The following MIA2 variants were observed in gnomAD, a reference collection of about 807,000 sequenced individuals.
MIA2 encodes the protein MIA SH3 domain ER export factor 2.
In MIA2, 127 loss-of-function variants were observed where a neutral mutation model predicts 167.8. That is an observed-to-expected ratio of 0.76 (90% CI 0.66 to 0.88). The LOEUF is 0.88. Among genes scored for constraint, MIA2 ranks in the 40% least tolerant of loss-of-function variants. MIA2 has a pLI of 0.00. For missense variants in MIA2, 1,690 were observed against 1,624.7 expected (o/e 1.04, Z -0.69); for synonymous variants, 552 against 541.9 (o/e 1.02, Z -0.26).
chr14:39,273,235 C>CTTT (rs35613060), intron 6 of MIA2, among the ~76,000 whole-genome samples: 2 of 132,140 alleles, frequency 1.5e-5, no homozygotes, highest in Admixed American at 7.5e-5. Flanking sequence ...AGGAGAAAAG[C>CTTT]TTTTTTTTTT....
chr14:39,335,572 C>T (rs982256715), intron 25 of MIA2, among the ~76,000 whole-genome samples: 3 of 152,060 alleles, frequency 2.0e-5, no homozygotes, highest in Non-Finnish European at 4.4e-5. Context: ...TTCTCATATG[C>T]CCTATTCCAG....
intron 6 of MIA2, chr14:39,266,819 C>A: frequency 1.9e-6 from 1 of 540,086 alleles, no homozygotes; most frequent in Non-Finnish European, 2.4e-6. Flanking sequence ...CGGGGCTGGG[C>A]CTGGCGTCGG....
At chr14:39,308,760 G>A (rs1308754779) in intron 18 of MIA2, among the ~76,000 whole-genome samples, 173 bp downstream of exon 18, 1 of 152,010 alleles carries the variant, frequency 6.6e-6, no homozygotes, top group South Asian at 2.1e-4. Flanking sequence ...TTTCAACAAA[G>A]AAAATATTGT....
chr14:39,293,280 G>A lies in MIA2; in HGVS notation c.2218G>A (p.Glu740Lys). The stretch of plus-strand genomic sequence containing the variant: ...TGGCTTTCTCTCTTAGGCAACCTGT[G>A]AAAAGCTGAACAGGTCCAATTCTGA... ...TEAQSLEATC[E>K]KLNRSNSELE... is the part of the protein sequence containing the mutation. The change falls in exon 11 of 29, where the codon GAA (glutamate) becomes AAA (lysine). Residue 740 changes from glutamate to lysine, a missense_variant. Physicochemically the swap from Glu to Lys is moderately conservative, Grantham distance 56. Coordinates refer to ENST00000640607, the MANE Select transcript of MIA2 (RefSeq NM_001329214.4). 1 of 1,609,370 alleles carries A rather than the reference G, an allele frequency of 6.2e-7. No homozygotes were observed. Among genetic ancestry groups the A allele is most frequent in the Non-Finnish European group, 8.5e-7 (1 of 1,177,552 alleles).
At chr14:39,367,280 C>T (rs752478679) in intron 23 of MIA2, among the ~76,000 whole-genome samples, 2 of 152,140 alleles carry the variant, frequency 1.3e-5, no homozygotes, top group Non-Finnish European at 2.9e-5. Flanking sequence ...TGCAGTCATT[C>T]TGGTGAATGC....
intron 3 of MIA2, among the ~76,000 whole-genome samples, chr14:39,244,011 G>A (rs2054179664): frequency 6.6e-6 from 1 of 152,230 alleles, no homozygotes; most frequent in African/African-American, 2.4e-5. Flanking sequence ...ACTGAGTGGG[G>A]GAACCCAGAA....
chr14:39,299,750 C>A, intron 13 of MIA2, 114 bp from the exon 14 acceptor site: 1 of 1,101,954 alleles, frequency 9.1e-7, no homozygotes, highest in Non-Finnish European at 1.2e-6. Context: ...TTTGAAAGTT[C>A]TTTGAAAATA....
In MIA2 at chr14:39,326,885, C is replaced by G. The variant is rs2067674702; in HGVS notation, c.3518C>G (p.Pro1173Arg). 3 of 1,590,770 alleles carry G rather than the reference C, an allele frequency of 1.9e-6. No homozygotes were observed. The highest frequency in any genetic ancestry group is 4.7e-5 in the East Asian group (2 of 42,542). ...GGRGSRGPGN[P>R]LDHQITNERG... ...TTAGGCTCACGAGGCCCAGGGAATC[C>G]TCTGGACCATCAGATTACCAATGAA... The change falls in exon 25 of 29, where the codon CCT becomes CGT. Residue 1173 changes from proline (P) to arginine (R), a missense_variant. By Grantham distance (103) the Pro-to-Arg change is moderately radical (BLOSUM62 -2). Coordinates refer to ENST00000640607, the MANE Select transcript of MIA2 (RefSeq NM_001329214.4).
chr14:39,253,778 G>A (rs1364632993), intron 6 of MIA2: 1 of 152,118 alleles, frequency 6.6e-6, no homozygotes, highest in African/African-American at 2.4e-5. Context: ...TAACCAAGCT[G>A]TAACTGAAAT....
chr14:39,381,328 A>T (rs922888837), intron 23 of MIA2, among the ~76,000 whole-genome samples: 1 of 152,254 alleles, frequency 6.6e-6, no homozygotes, highest in African/African-American at 2.4e-5. Context: ...GAAAGAAAGC[A>T]TAAAGGCCTT....
At chr14:39,377,940 C>T (rs1165394901) in intron 23 of MIA2, among the ~76,000 whole-genome samples, 1 of 152,178 alleles carries the variant, frequency 6.6e-6, no homozygotes, top group East Asian at 1.9e-4. Context: ...CTGGGCCTGT[C>T]ACCAAGTGAC....
intron 9 of MIA2, among the ~76,000 whole-genome samples, chr14:39,285,659 G>T (rs2059617462): frequency 6.8e-6 from 1 of 147,918 alleles, no homozygotes; most frequent in African/African-American, 2.5e-5. Flanking sequence ...GCCGGGCTGG[G>T]GCTGACCCCC....
rs17109120 is a variant in MIA2 at position 39,315,356 on chromosome 14, G to A, written c.3181-327G>A. On this transcript the variant is annotated intron_variant, in intron 20 of 28. Transcript: ENST00000640607. ...AATTGCCGTATCTCCTGCTGCTTTG[G>A]GAAGGTAGATTGCATCACATAAATG... 183 of 205,198 alleles carry A rather than the reference G, an allele frequency of 8.9e-4. 2 individuals are homozygous for A. The East Asian group carries it at 0.017, about 19-fold the overall frequency. The allele number at this position is 205,198 out of a possible 1,614,324, so 12.7% of individuals were successfully genotyped here.
chr14:39,266,501 G>C (rs2055664195), intron 6 of MIA2: 1 of 985,324 alleles, frequency 1.0e-6, no homozygotes. Flanking sequence ...AAGACAGCTG[G>C]GCCTAACAAG....
At chr14:39,293,445 T>C in intron 11 of MIA2, 64 bp downstream of exon 11, 3 of 1,092,548 alleles carry the variant, frequency 2.7e-6, no homozygotes, top group Non-Finnish European at 4.0e-6. Context: ...AAAAAATTAA[T>C]ATGATACTGG....
At chr14:39,266,599 CG>C in intron 6 of MIA2, 5 of 985,496 alleles carry the variant, frequency 5.1e-6, no homozygotes, top group Non-Finnish European at 6.0e-6. Flanking sequence ...ACAGCTGAGC[CG>C]GGACGCCTTC....
At chr14:39,278,013 AC>A (rs1439693807) in intron 7 of MIA2, among the ~76,000 whole-genome samples, 2 of 151,276 alleles carry the variant, frequency 1.3e-5, no homozygotes, top group Non-Finnish European at 2.9e-5. Context: ...CACTCCTGTC[AC>A]CCGGGCTGGA....
At chr14:39,383,452 C>G (rs942323761) in intron 23 of MIA2, among the ~76,000 whole-genome samples, 1 of 152,190 alleles carries the variant, frequency 6.6e-6, no homozygotes, top group African/African-American at 2.4e-5. Flanking sequence ...ATCTCTCTCC[C>G]TCTCCTTGAG....
At chr14:39,267,564 C>G (rs2056121602) in intron 6 of MIA2, 2 of 1,604,090 alleles carry the variant, frequency 1.2e-6, no homozygotes, top group Non-Finnish European at 1.7e-6. Context: ...CCAGGGGTCG[C>G]GGGAGCCGCC....
Sources: allele counts gnomAD v4.1 joint callset (sites outside exome capture counted in the v4.1 genomes callset), GRCh38; gene constraint gnomAD v4.1.1; transcripts MANE v1.5; gene names NCBI Gene and HGNC (gene_info 2026-07-23, HGNC 2026-07-21).